The following ZNF468 variants were observed in gnomAD, a reference collection of about 807,000 sequenced individuals.
The protein encoded by ZNF468 is zinc finger protein ZNF468.
ZNF468 carries 8 observed loss-of-function variants against 7.2 expected under a neutral mutation model. The observed-to-expected ratio is 1.11, with a 90% CI of 0.65 to 2.01. The LOEUF is 2.01. Ranked by LOEUF, ZNF468 falls within the 30% of genes most tolerant of loss-of-function variation. The pLI, the probability that ZNF468 is intolerant of heterozygous loss-of-function variation, is 0.00. For synonymous variants in ZNF468, 218 were observed against 214.4 expected (o/e 1.02, Z -0.15); for missense variants, 608 against 626.5 (o/e 0.97, Z 0.31).
intron 1 of ZNF468, among the ~76,000 whole-genome samples, chr19:52,855,280 G>T (rs1255333976): frequency 6.6e-6 from 1 of 152,126 alleles, no homozygotes; most frequent in Non-Finnish European, 1.5e-5. Context: ...TCAGATGGGG[G>T]TGGGAGGGCA....
In ZNF468 at chr19:52,841,776, G is replaced by T. The variant is rs557421265; in HGVS notation, c.518C>A (p.Ser173Ter). Residue 173 changes from serine (S) to a stop codon, truncating the protein, a stop_gained, in exon 4 of 4, where the codon TCA (serine) becomes TAA (stop). Transcript: ENST00000595646. LOFTEE classifies it low-confidence loss of function (END_TRUNC). ...QVEKSINNAS[S>*]VSTSQRICCR... is the part of the protein sequence containing the mutation. The stretch of plus-strand genomic sequence containing the variant: ...ACAAATTCTTTGGGATGTTGAAACT[G>T]AGGAAGCATTGTTGATAGACTTCTC... 1 of 1,614,098 alleles carries T rather than the reference G, an allele frequency of 6.2e-7. No homozygotes were observed.
At chr19:52,845,587 AGGTG>A (rs2063336265) in intron 3 of ZNF468, among the ~76,000 whole-genome samples, 2 of 152,152 alleles carry the variant, frequency 1.3e-5, no homozygotes, top group Admixed American at 1.3e-4. Context: ...TGAACCCAGA[AGGTG>A]GAGGTTACAG....
intron 2 of ZNF468, chr19:52,853,759 T>C: frequency 3.2e-6 from 2 of 619,318 alleles, no homozygotes; most frequent in Non-Finnish European, 4.3e-6. Context: ...TCCATTCTAA[T>C]TAGTAAGATT....
intron 2 of ZNF468, among the ~76,000 whole-genome samples, chr19:52,849,937 CA>C (rs1457526879): frequency 2.0e-5 from 3 of 151,772 alleles, no homozygotes; most frequent in African/African-American, 7.3e-5. Flanking sequence ...CAAAATTACT[CA>C]AAGTACAAAA....
At chr19:52,856,933 AG>A (rs1162701704) in intron 1 of ZNF468, among the ~76,000 whole-genome samples, 1 of 151,966 alleles carries the variant, frequency 6.6e-6, no homozygotes, top group Non-Finnish European at 1.5e-5. Context: ...CGATCACAAG[AG>A]GGTTTGGAGT....
At chr19:52,850,945 C>G (rs758486122) in intron 2 of ZNF468, among the ~76,000 whole-genome samples, 3 of 150,734 alleles carry the variant, frequency 2.0e-5, no homozygotes, top group Non-Finnish European at 2.9e-5. Context: ...ACACACACAT[C>G]ATGTGATGAT....
intron 2 of ZNF468, among the ~76,000 whole-genome samples, chr19:52,850,025 G>A (rs939241868): frequency 2.0e-5 from 3 of 151,670 alleles, no homozygotes; most frequent in Non-Finnish European, 4.4e-5. Flanking sequence ...GAATACAAAG[G>A]GTTGTCATTT....
intron 1 of ZNF468, among the ~76,000 whole-genome samples, chr19:52,856,366 C>T (rs1378676010): frequency 6.6e-6 from 1 of 152,066 alleles, no homozygotes; most frequent in Admixed American, 6.6e-5. Flanking sequence ...ACTAGAAATA[C>T]AAAAATTAGC....
rs556910899 is a variant in ZNF468, at chr19:52,840,741, C to A, written c.1553G>T (p.Ser518Ile). 2.5e-6 allele frequency: 4 copies of A among 1,613,536 alleles called. No homozygotes were observed. The African/African-American group carries it at 5.3e-5, about 22-fold the overall frequency. ...ATTACACTATTAAGGCTTCTCTCCACTATGAAGCCTATGATGGTATACAAG... is the reference window on the plus strand; with the variant it reads ...ATTACACTATTAAGGCTTCTCTCCAATATGAAGCCTATGATGGTATACAAG... ...SSLVYHHRLHSGEKP is the reference protein window; with the variant it reads ...SSLVYHHRLHIGEKP The change falls in exon 4 of 4, where the codon AGT (serine) becomes ATT (isoleucine). Residue 518 changes from serine (S) to isoleucine (I), a missense_variant. By Grantham distance (142) the Ser-to-Ile change is moderately radical. Transcript: ENST00000595646.
At chr19:52,845,774 T>C (rs1175836661) in intron 3 of ZNF468, among the ~76,000 whole-genome samples, 1 of 151,958 alleles carries the variant, frequency 6.6e-6, no homozygotes, top group Non-Finnish European at 1.5e-5. Context: ...GGAGGATGAG[T>C]CAGGCAGATA....
intron 1 of ZNF468, among the ~76,000 whole-genome samples, chr19:52,856,835 G>A (rs1334244279): frequency 6.6e-6 from 1 of 151,812 alleles, no homozygotes; most frequent in South Asian, 2.1e-4. Flanking sequence ...CATCTGTTAT[G>A]GGTCTTTCTC....
chr19:52,851,427 A>C (rs976824831), intron 2 of ZNF468, among the ~76,000 whole-genome samples: 1 of 152,116 alleles, frequency 6.6e-6, no homozygotes, highest in Admixed American at 6.6e-5. Context: ...ATACCAAAAA[A>C]TTATTCAGGT....
In ZNF468 at chr19:52,841,607, G is replaced by A. The variant is rs760039034; in HGVS notation, c.687C>T (p.Leu229=). The change falls in exon 4 of 4, where the codon CTC becomes CTT. Residue 229 remains leucine (L), a synonymous_variant. Coordinates refer to ENST00000595646, the MANE Select transcript of ZNF468 (RefSeq NM_001008801.2). ...AGTGAATTATCTGATGTTTTTTTAAGAGTGAGCTGCAATTAAAGGATTTGA... is the reference window on the plus strand; with the variant it reads ...AGTGAATTATCTGATGTTTTTTTAAAAGTGAGCTGCAATTAAAGGATTTGA... ...QSFKSFNCSS[L]LKKHQIIHLE... is the part of the protein sequence containing the mutation. The A allele has an allele frequency of 4.4e-5, 71 of 1,613,898 alleles. No homozygotes were observed. The highest frequency in any genetic ancestry group is 5.8e-5 in the Non-Finnish European group (69 of 1,180,000).
intron 3 of ZNF468, among the ~76,000 whole-genome samples, chr19:52,848,669 G>C (rs2063358925): frequency 6.6e-6 from 1 of 152,058 alleles, no homozygotes; most frequent in Non-Finnish European, 1.5e-5. Flanking sequence ...TCTTTACTCA[G>C]CCTCTCTAGG....
At chr19:52,854,548 G>A (rs1402706088) in intron 1 of ZNF468, among the ~76,000 whole-genome samples, 1 of 152,112 alleles carries the variant, frequency 6.6e-6, no homozygotes, top group Non-Finnish European at 1.5e-5. Context: ...TGGGGAGCTG[G>A]GCTGGGATGA....
chr19:52,852,074 T>C (rs998823561), intron 2 of ZNF468, among the ~76,000 whole-genome samples: 2 of 151,640 alleles, frequency 1.3e-5, no homozygotes, highest in African/African-American at 4.9e-5. Flanking sequence ...GCAGAAAAAA[T>C]AACTATCGGG....
In ZNF468 at chr19:52,850,777, T is replaced by C. The variant is rs1047199840; in HGVS notation, c.16-1564A>G. The stretch of plus-strand genomic sequence containing the variant: ...AGCCGGGCGTGGTGGCGGGCGCCTG[T>C]AGTCCCAGCTACTCGGGAGGCTGAG... On this transcript the variant is annotated intron_variant, in intron 2 of 3. Coordinates refer to ENST00000595646, the MANE Select transcript of ZNF468 (RefSeq NM_001008801.2). Among the ~76,000 whole-genome samples, 74 of 149,438 alleles carry C rather than the reference T, an allele frequency of 5.0e-4. 1 individual carries two copies. The highest frequency in any genetic ancestry group is 6.7e-4 in the Admixed American group (10 of 14,868).
chr19:52,842,900 G>A (rs981694214), intron 3 of ZNF468, among the ~76,000 whole-genome samples: 1 of 149,618 alleles, frequency 6.7e-6, no homozygotes. Flanking sequence ...GAGGAAGGTG[G>A]ATCACCTCAG....
rs370732747 is a variant in ZNF468, at chr19:52,841,655, T to C, written c.639A>G (p.Lys213=). ...TGAAGCTCTGTATACATTCAAAAGA[T>C]TTTTCTCTCATGTGTACTTCCCATT... The part of the protein sequence containing the change: ...TQKWEVHMRE[K]SFECIQSFKS... Residue 213 remains lysine (K), a synonymous_variant, in exon 4 of 4, where the codon AAA becomes AAG. Coordinates refer to ENST00000595646, the MANE Select transcript of ZNF468 (RefSeq NM_001008801.2). The C allele has an allele frequency of 7.0e-5, 113 of 1,614,096 alleles. No individual in the cohort carries two copies. In the African/African-American group the frequency reaches 1.2e-3, roughly 17 times the overall value.
Sources: gnomAD v4.1 joint callset for allele counts (sites outside exome capture counted in the v4.1 genomes callset) on GRCh38, gnomAD v4.1.1 for gene constraint, MANE v1.5 for transcripts, NCBI Gene and HGNC (gene_info 2026-07-23, HGNC 2026-07-21) for gene names.